LMBRD2: variants seen among roughly 807,000 people sequenced by gnomAD.
LMBRD2 encodes the protein G protein-coupled receptor-associated protein LMBRD2.
In LMBRD2, 55 loss-of-function variants were observed where a neutral mutation model predicts 94.4. That is an observed-to-expected ratio of 0.58 (90% confidence interval 0.47 to 0.73). The LOEUF (loss-of-function observed/expected upper bound fraction) is 0.73, where lower values mean the gene tolerates loss of function less well. Among genes scored for constraint, LMBRD2 ranks in the 30% least tolerant of loss-of-function variants. The pLI is 0.00. For missense variants in LMBRD2, 640 were observed against 831.9 expected (o/e 0.77, Z 2.84); for synonymous variants, 246 against 272.4 (o/e 0.90, Z 0.95).
intron 2 of LMBRD2, 35 bp from the exon 3 acceptor site, chr5:36,142,634 T>C: frequency 8.1e-7 from 1 of 1,238,840 alleles, no homozygotes; most frequent in Non-Finnish European, 1.2e-6. Context: ...AAAATGAGAA[T>C]CAAAAGGTTA....
intron 11 of LMBRD2, among the ~76,000 whole-genome samples, chr5:36,115,390 G>A (rs1379925876): frequency 3.3e-5 from 5 of 152,144 alleles, no homozygotes; most frequent in African/African-American, 1.2e-4. Context: ...AAGTTGTGGA[G>A]TGCCTTTGTA....
At chr5:36,118,863 T>C (rs1427384719) in intron 9 of LMBRD2, among the ~76,000 whole-genome samples, 2 of 151,880 alleles carry the variant, frequency 1.3e-5, no homozygotes, top group African/African-American at 4.8e-5. Context: ...CCAGCTAATT[T>C]TTTGTATTTT....
At chr5:36,150,535 G>A (rs1212614577) in intron 1 of LMBRD2, among the ~76,000 whole-genome samples, 1 of 152,122 alleles carries the variant, frequency 6.6e-6, no homozygotes, top group Non-Finnish European at 1.5e-5. Context: ...TTTCTCCTAT[G>A]AGTTGCAATC....
At chr5:36,142,810 C>T (rs560598787) in intron 2 of LMBRD2, 21 of 401,006 alleles carry the variant, frequency 5.2e-5, no homozygotes, top group Admixed American at 8.5e-5. Context: ...CTGCAAGCTC[C>T]GCCTCCCGGA....
At chr5:36,137,471 A>C (rs546783490) in intron 4 of LMBRD2, 30 bp from the exon 5 acceptor site, 1 of 1,446,706 alleles carries the variant, frequency 6.9e-7, no homozygotes, top group Non-Finnish European at 9.4e-7. Flanking sequence ...ATGATTAAAA[A>C]CCCAAATAAT....
Position 36,151,046 on chromosome 5 carries a change from T to C in LMBRD2, c.-58+510A>G, listed in dbSNP as rs919559347. On this transcript the variant is annotated intron_variant, in intron 1 of 17. Transcript: ENST00000296603. The surrounding 1 kb of genome is among the most constrained non-coding windows in gnomAD (Gnocchi z 4.7). Reference sequence around the variant, plus strand: ...TCCACTGTTTTCCCGGGGTCACAGTTGTAGTATAGTTTGCCCAATGGATTT... The same window carrying C: ...TCCACTGTTTTCCCGGGGTCACAGTCGTAGTATAGTTTGCCCAATGGATTT... Among the ~76,000 whole-genome samples, 2 of 152,188 alleles carry C rather than the reference T, an allele frequency of 1.3e-5. No individual in the cohort carries two copies. Among genetic ancestry groups the C allele is most frequent in the Admixed American group, 6.5e-5 (1 of 15,280 alleles).
At chr5:36,132,290 C>T (rs1579519026) in intron 6 of LMBRD2, among the ~76,000 whole-genome samples, 2 of 152,042 alleles carry the variant, frequency 1.3e-5, no homozygotes, top group East Asian at 3.9e-4. Context: ...AGTTATCTCC[C>T]CATATATAAA....
intron 16 of LMBRD2, among the ~76,000 whole-genome samples, chr5:36,108,155 T>C (rs1220294210): frequency 1.3e-5 from 2 of 152,128 alleles, no homozygotes; most frequent in Admixed American, 1.3e-4. Flanking sequence ...GCCTAACTTA[T>C]ATGGGTCAGT....
chr5:36,126,564 T>C (rs991334329), intron 6 of LMBRD2, among the ~76,000 whole-genome samples: 6 of 152,162 alleles, frequency 3.9e-5, no homozygotes, highest in Admixed American at 3.3e-4. Flanking sequence ...AAAGTAGCTG[T>C]TTCTCCCTCC....
rs1182732998 is a variant in LMBRD2, at chr5:36,098,743, T to C, written c.*5303A>G. The C allele has an allele frequency of 6.6e-6, 1 of 152,094 alleles. No homozygotes were observed. Among genetic ancestry groups the C allele is most frequent in the Non-Finnish European group, 1.5e-5 (1 of 67,958 alleles). 9.4% of individuals were successfully genotyped at this position (152,094 alleles called of 1,614,324 possible). A position where few individuals can be genotyped will look rare whatever the true frequency, so the allele number is the denominator to read the frequency against. The stretch of plus-strand genomic sequence containing the variant: ...ACACTATGCATAGATAAGGCCAAAG[T>C]TACTAATTTGCTTATAGGTAGCACT... On this transcript the variant is annotated 3_prime_UTR_variant, in exon 18 of 18. Transcript: ENST00000296603.
chr5:36,146,945 TG>T (rs1744562378), intron 1 of LMBRD2, among the ~76,000 whole-genome samples: 2 of 87,810 alleles, frequency 2.3e-5, no homozygotes, highest in Non-Finnish European at 4.7e-5. Context: ...TGTGTGAGTG[TG>T]TGTGTGTGTG....
At chr5:36,133,964 C>A (rs73748798) in intron 6 of LMBRD2, among the ~76,000 whole-genome samples, 2 of 152,146 alleles carry the variant, frequency 1.3e-5, no homozygotes, top group African/African-American at 4.8e-5. Flanking sequence ...AAATCTGAAA[C>A]AACTGAATTT....
chr5:36,123,460 A>G (rs938353050), intron 7 of LMBRD2, among the ~76,000 whole-genome samples: 6 of 152,104 alleles, frequency 3.9e-5, no homozygotes, highest in African/African-American at 1.2e-4. Flanking sequence ...CTCAAAAAGT[A>G]GCAAATGTGA....
chr5:36,107,048 T>C (rs575185356), intron 16 of LMBRD2, among the ~76,000 whole-genome samples: 1 of 152,176 alleles, frequency 6.6e-6, no homozygotes, highest in South Asian at 2.1e-4. Flanking sequence ...TTATAAAAAC[T>C]CTTTCCTAAG....
At position 36,105,090 on chromosome 5, in the gene LMBRD2, G is replaced by A. The variant is rs1274179443; in HGVS notation, c.2005C>T (p.Pro669Ser). The A allele has an allele frequency of 1.9e-6, 3 of 1,612,596 alleles. No homozygotes were observed. The highest frequency in any genetic ancestry group is 2.5e-6 in the Non-Finnish European group (3 of 1,179,046). ...DFNAETFTDD[P>S]LESESGRYQP... ...TACCTTCCTGATTCAGATTCAAGAG[G>A]ATCATCAGTGAATGTTTCTGCATTA... Residue 669 changes from proline to serine, a missense_variant, in exon 17 of 18, where the codon CCT becomes TCT. Physicochemically the swap from Pro to Ser is moderately conservative, Grantham distance 74 (BLOSUM62 -1). Coordinates refer to ENST00000296603, the MANE Select transcript of LMBRD2 (RefSeq NM_001007527.2).
chr5:36,122,870 CT>C lies in LMBRD2; in HGVS notation c.913del (p.Ser305ValfsTer3). On this transcript the variant is annotated frameshift_variant, in exon 8 of 18. Coordinates refer to ENST00000296603, the MANE Select transcript of LMBRD2 (RefSeq NM_001007527.2). LOFTEE classifies it high-confidence loss of function. Reference sequence around the variant, plus strand: ...TACCTGTTTATGCAGTTTTACCAGACTTTTTTCACTTGGATAGATACTATGC... The same window carrying C: ...TACCTGTTTATGCAGTTTTACCAGACTTTTTCACTTGGATAGATACTATGC... ...EKHSIYPSEK[S>X]LVKLHKQVIY... 1 of 1,593,878 alleles carries C rather than the reference CT, an allele frequency of 6.3e-7. No individual in the cohort carries two copies. The highest frequency in any genetic ancestry group is 8.5e-7 in the Non-Finnish European group (1 of 1,173,962).
chr5:36,112,384 C>T (rs1302356304), intron 13 of LMBRD2, among the ~76,000 whole-genome samples: 1 of 152,096 alleles, frequency 6.6e-6, no homozygotes, highest in Admixed American at 6.6e-5. Context: ...ACAACTTATG[C>T]TCTCTAGGCA....
At chr5:36,131,886 A>C (rs1744160573) in intron 6 of LMBRD2, among the ~76,000 whole-genome samples, 1 of 152,148 alleles carries the variant, frequency 6.6e-6, no homozygotes, top group Admixed American at 6.5e-5. Context: ...AAATGTCCAT[A>C]CTACCCAAAG....
At chr5:36,147,355 GGAT>G (rs910760446) in intron 1 of LMBRD2, among the ~76,000 whole-genome samples, 4 of 152,042 alleles carry the variant, frequency 2.6e-5, no homozygotes, top group African/African-American at 9.7e-5. Context: ...AGAAGAAAGG[GGAT>G]GATAATGATG....
Sources: allele counts gnomAD v4.1 joint callset (sites outside exome capture counted in the v4.1 genomes callset), GRCh38; gene constraint gnomAD v4.1.1; non-coding constraint Gnocchi (gnomAD v3.1); transcripts MANE v1.5; gene names NCBI Gene and HGNC (gene_info 2026-07-23, HGNC 2026-07-21).